Variants in SV2C observed in about 807,000 individuals in gnomAD.
SV2C encodes synaptic vesicle glycoprotein 2C.
Under a neutral mutation model 79.7 loss-of-function variants are expected in SV2C, and 49 were observed. The ratio of observed to expected loss-of-function variants is 0.61; its 90% confidence interval spans 0.49 to 0.78. The LOEUF (loss-of-function observed/expected upper bound fraction) is 0.78. Among genes scored for constraint, SV2C ranks in the 30% least tolerant of loss-of-function variants. The pLI, the probability that SV2C is intolerant of heterozygous loss-of-function variation, is 0.00. For synonymous variants in SV2C, 334 were observed against 333.2 expected, an observed-to-expected ratio of 1.00 and a Z score of -0.03; for missense variants, 833 against 912.9, an observed-to-expected ratio of 0.91 and a Z score of 1.13.
chr5:75,967,938 G>C, the SV2C span, among the ~76,000 whole-genome samples: 6 of 152,162 alleles, frequency 3.9e-5, no homozygotes, highest in African/African-American at 7.2e-5. Flanking sequence ...GGCAGACTGA[G>C]ACCTCACACG....
At chr5:76,047,832 C>T in the SV2C span, among the ~76,000 whole-genome samples, 5 of 142,906 alleles carry the variant, frequency 3.5e-5, no homozygotes, top group Non-Finnish European at 6.0e-5. Flanking sequence ...GTGGCGCGAT[C>T]GCAGCTCACT....
the SV2C span, among the ~76,000 whole-genome samples, chr5:76,057,235 GTTTTTTT>G: frequency 2.0e-5 from 3 of 150,756 alleles, no homozygotes; most frequent in Non-Finnish European, 3.0e-5. Context: ...TAAGTTTTTT[GTTTTTTT>G]TTATACTTTA....
intron 2 of SV2C, among the ~76,000 whole-genome samples, chr5:76,180,020 T>C (rs975856284): frequency 6.6e-6 from 1 of 152,240 alleles, no homozygotes. Context: ...CTATGAATGT[T>C]GATCAAGCAC....
chr5:76,043,845 T>C, the SV2C span, among the ~76,000 whole-genome samples: 1 of 152,188 alleles, frequency 6.6e-6, no homozygotes, highest in Non-Finnish European at 1.5e-5. Context: ...CAATGTAACA[T>C]CAGGCAGTGC....
At chr5:76,197,181 T>A in intron 3 of SV2C, among the ~76,000 whole-genome samples, 1 of 152,258 alleles carries the variant, frequency 6.6e-6, no homozygotes, top group East Asian at 1.9e-4. Flanking sequence ...GAAGATCAAA[T>A]GAGATGATGT....
the SV2C span, among the ~76,000 whole-genome samples, chr5:76,025,854 AC>A: frequency 6.6e-6 from 1 of 152,228 alleles, no homozygotes; most frequent in Non-Finnish European, 1.5e-5. Context: ...GCCATTGCAA[AC>A]ACATATTGAT....
chr5:76,097,650 G>A (rs566905132), intron 1 of SV2C, among the ~76,000 whole-genome samples: 1 of 152,214 alleles, frequency 6.6e-6, no homozygotes, highest in South Asian at 2.1e-4. Flanking sequence ...TAATATCTAT[G>A]AATATTATTT....
chr5:75,893,571 A>G, the SV2C span, among the ~76,000 whole-genome samples: 6 of 152,114 alleles, frequency 3.9e-5, no homozygotes, highest in African/African-American at 7.2e-5. Context: ...GATGGCAACA[A>G]TAGACACTGG....
At chr5:75,910,095 T>A in the SV2C span, among the ~76,000 whole-genome samples, 8 of 152,142 alleles carry the variant, frequency 5.3e-5, no homozygotes, top group Admixed American at 5.2e-4. Context: ...GTGCACACAG[T>A]AGGCTCAACA....
chr5:76,260,034 A>G (rs1044614634), intron 4 of SV2C, among the ~76,000 whole-genome samples: 1 of 152,172 alleles, frequency 6.6e-6, no homozygotes, highest in Non-Finnish European at 1.5e-5. Flanking sequence ...TGCTTCCACA[A>G]TGGTCGAACT....
the SV2C span, among the ~76,000 whole-genome samples, chr5:76,054,217 C>A: frequency 6.6e-6 from 1 of 152,154 alleles, no homozygotes; most frequent in Non-Finnish European, 1.5e-5. Context: ...TTGTTCCACA[C>A]CCACTTATGA....
chr5:75,867,577 A>G, the SV2C span, among the ~76,000 whole-genome samples: 1 of 152,242 alleles, frequency 6.6e-6, no homozygotes, highest in Non-Finnish European at 1.5e-5. Context: ...ACAAATGCAT[A>G]ATAGAAATAA....
At chr5:76,324,792 G>A (rs1373109485) in intron 12 of SV2C, among the ~76,000 whole-genome samples, 2 of 152,166 alleles carry the variant, frequency 1.3e-5, no homozygotes, top group Admixed American at 1.3e-4. Flanking sequence ...CGAAGTGGAG[G>A]CTGCAGTGAG....
chr5:76,019,998 C>T, the SV2C span, among the ~76,000 whole-genome samples: 245 of 152,148 alleles, frequency 1.6e-3, 7 homozygotes, highest in East Asian at 0.046. Context: ...ATGTAGCAGC[C>T]CAAAACTTAA....
chr5:75,952,791 A>G, the SV2C span, among the ~76,000 whole-genome samples: 2 of 151,890 alleles, frequency 1.3e-5, no homozygotes, highest in Non-Finnish European at 2.9e-5. Context: ...TGTTTTCTTT[A>G]TAATTACCCA....
At chr5:75,943,044 A>G in the SV2C span, among the ~76,000 whole-genome samples, 1 of 152,192 alleles carries the variant, frequency 6.6e-6, no homozygotes, top group Admixed American at 6.5e-5. Flanking sequence ...CTGACTTGGG[A>G]CAGAGAACTC....
intron 2 of SV2C, among the ~76,000 whole-genome samples, chr5:76,147,047 C>A (rs1480266629): frequency 6.6e-6 from 1 of 151,924 alleles, no homozygotes; most frequent in Admixed American, 6.6e-5. Context: ...ATCCAGAGCT[C>A]CATCCAAGGG....
chr5:76,005,109 G>T, the SV2C span, among the ~76,000 whole-genome samples: 1 of 152,150 alleles, frequency 6.6e-6, no homozygotes, highest in African/African-American at 2.4e-5. Flanking sequence ...ACTTTAAATA[G>T]CCCCAGGGTT....
the SV2C span, among the ~76,000 whole-genome samples, chr5:75,895,072 C>T: frequency 0.017 from 2,513 of 152,194 alleles, 36 homozygotes; most frequent in African/African-American, 0.043. Flanking sequence ...GCAGATACTT[C>T]AGCAGCCACA....
Sources: allele counts gnomAD v4.1 joint callset (sites outside exome capture counted in the v4.1 genomes callset), GRCh38; gene constraint gnomAD v4.1.1; transcripts MANE v1.5; gene names NCBI Gene and HGNC (gene_info 2026-07-23, HGNC 2026-07-21).